PKN2: variants seen among roughly 807,000 people sequenced by gnomAD.
PKN2 encodes the protein serine/threonine-protein kinase N2.
A neutral mutation model predicts 119.1 loss-of-function variants in PKN2; 38 were observed. That is an observed-to-expected ratio of 0.32 (90% confidence interval 0.25 to 0.42). PKN2 has a LOEUF of 0.42. PKN2 is among the 10% of genes least tolerant of loss of function. The probability of loss-of-function intolerance (pLI) is 1.00; values close to 1 mark genes in which losing one functional copy is unlikely to be tolerated. For synonymous variants in PKN2, 390 were observed against 384.9 expected, an observed-to-expected ratio of 1.01 and a Z score of -0.15; for missense variants, 850 against 1,165.1, an observed-to-expected ratio of 0.73 and a Z score of 3.94.
chr1:88,820,218 ATATATATATATATAT>A (rs1557634935), intron 16 of PKN2, among the ~76,000 whole-genome samples: 37 of 114,780 alleles, frequency 3.2e-4, no homozygotes, highest in East Asian at 2.5e-3. Flanking sequence ...ATATATATAT[ATATATATATATATAT>A]AAATAGAAAA....
At chr1:88,762,383 T>C (rs548722375) in intron 3 of PKN2, among the ~76,000 whole-genome samples, 1 of 152,212 alleles carries the variant, frequency 6.6e-6, no homozygotes, top group Non-Finnish European at 1.5e-5. Context: ...GCAACTACTA[T>C]TGCCTCTGAG....
intron 2 of PKN2, among the ~76,000 whole-genome samples, chr1:88,754,700 T>G (rs1669132912): frequency 6.6e-6 from 1 of 152,168 alleles, no homozygotes; most frequent in Non-Finnish European, 1.5e-5. Flanking sequence ...TTAAAAATAT[T>G]TTGGTGGAGG....
At chr1:88,808,246 C>A (rs556916341) in intron 15 of PKN2, among the ~76,000 whole-genome samples, 1 of 151,818 alleles carries the variant, frequency 6.6e-6, no homozygotes, top group East Asian at 1.9e-4. Context: ...TTGACCCTAA[C>A]GTCTGGGTCT....
rs1672849426 is a variant in PKN2 at position 88,834,196 on chromosome 1, T to A, written c.*748T>A. 6.6e-6 allele frequency: 1 copy of A among 152,050 alleles called. No individual in the cohort carries two copies. The highest frequency in any genetic ancestry group is 2.4e-5 in the African/African-American group (1 of 41,418). 9.4% of individuals were successfully genotyped at this position (152,050 alleles called of 1,614,324 possible). A position where few individuals can be genotyped will look rare whatever the true frequency, so the allele number is the denominator to read the frequency against. The stretch of plus-strand genomic sequence containing the variant: ...AGATGTTAAGAATGAGGACTTTTAA[T>A]CAGCCGAACCAAGATATTGTTACCT... On this transcript the variant is annotated 3_prime_UTR_variant, in exon 22 of 22. Transcript: ENST00000370521.
At chr1:88,743,137 C>T (rs1045985798) in intron 2 of PKN2, among the ~76,000 whole-genome samples, 1 of 152,152 alleles carries the variant, frequency 6.6e-6, no homozygotes, top group Non-Finnish European at 1.5e-5. Flanking sequence ...TTGTGTTGAG[C>T]CAAGATCGTG....
chr1:88,788,901 T>C (rs564504638), intron 8 of PKN2, among the ~76,000 whole-genome samples: 3 of 152,322 alleles, frequency 2.0e-5, no homozygotes, highest in Non-Finnish European at 2.9e-5. Flanking sequence ...GAAGCTCCCA[T>C]GAGAGATTGA....
chr1:88,748,572 GTT>G (rs1668863223), intron 2 of PKN2, among the ~76,000 whole-genome samples: 1 of 152,120 alleles, frequency 6.6e-6, no homozygotes, highest in African/African-American at 2.4e-5. Flanking sequence ...TGTGAATAAA[GTT>G]TTCAGTTCAC....
At chr1:88,824,025 AG>A (rs1672401693) in intron 17 of PKN2, among the ~76,000 whole-genome samples, 2 of 150,178 alleles carry the variant, frequency 1.3e-5, no homozygotes, top group South Asian at 2.1e-4. Context: ...AAAAAAAAAA[AG>A]GATTAAATTA....
intron 1 of PKN2, among the ~76,000 whole-genome samples, chr1:88,685,475 CTTAG>C (rs1666054038): frequency 6.6e-6 from 1 of 152,102 alleles, no homozygotes; most frequent in Non-Finnish European, 1.5e-5. Context: ...AAGTAGATCG[CTTAG>C]TTAAGTCATG....
chr1:88,708,580 G>A (rs769893138), intron 1 of PKN2, among the ~76,000 whole-genome samples: 14 of 149,194 alleles, frequency 9.4e-5, no homozygotes, highest in Non-Finnish European at 1.8e-4. Context: ...AGTGTATTTC[G>A]CAAATAAATT....
At chr1:88,711,780 T>C (rs1378265122) in intron 1 of PKN2, among the ~76,000 whole-genome samples, 2 of 152,140 alleles carry the variant, frequency 1.3e-5, no homozygotes, top group Non-Finnish European at 2.9e-5. Context: ...GCTGGAGGGA[T>C]AAAATGATGC....
chr1:88,770,253 T>A (rs1451146118), intron 3 of PKN2, 99 bp from the exon 4 acceptor site: 1 of 653,074 alleles, frequency 1.5e-6, no homozygotes, highest in African/African-American at 1.8e-5. Flanking sequence ...TAACTCTGTT[T>A]TTCACTTGCT....
In PKN2 at chr1:88,834,027, T is replaced by C. The variant is rs1009492305; in HGVS notation, c.*579T>C. On this transcript the variant is annotated 3_prime_UTR_variant, in exon 22 of 22. Coordinates refer to ENST00000370521, the MANE Select transcript of PKN2 (RefSeq NM_006256.4). ...GAATTGATGTCTTATTTTATAAATGTTCTATATTTATTAGGAGAAAACTTT... is the reference window on the plus strand; with the variant it reads ...GAATTGATGTCTTATTTTATAAATGCTCTATATTTATTAGGAGAAAACTTT... 6.6e-6 allele frequency: 1 copy of C among 152,098 alleles called. No homozygotes were observed. The highest frequency in any genetic ancestry group is 2.4e-5 in the African/African-American group (1 of 41,422). The allele number at this position is 152,098 out of a possible 1,614,324, so 9.4% of individuals were successfully genotyped here. A position where few individuals can be genotyped will look rare whatever the true frequency, so the allele number is the denominator to read the frequency against.
At chr1:88,722,348 A>G (rs1330141632) in intron 1 of PKN2, among the ~76,000 whole-genome samples, 1 of 152,164 alleles carries the variant, frequency 6.6e-6, no homozygotes, top group Non-Finnish European at 1.5e-5. Flanking sequence ...TATTATAAAC[A>G]TGAGGTCTGT....
chr1:88,783,600 T>TA lies in PKN2; in HGVS notation c.986-1037dup, dbSNP rs1199935508. On this transcript the variant is annotated intron_variant, in intron 6 of 21. Coordinates refer to ENST00000370521, the MANE Select transcript of PKN2 (RefSeq NM_006256.4). ...AGTAAAATTAAGTAGTTATTTAAATTAATGGGACAACTTTTACCAGAAATA... is the reference window on the plus strand; with the variant it reads ...AGTAAAATTAAGTAGTTATTTAAATTAAATGGGACAACTTTTACCAGAAATA... Among the ~76,000 whole-genome samples the TA allele has an allele frequency of 2.6e-5, 4 of 152,238 alleles. No individual in the cohort carries two copies. In the East Asian group the frequency reaches 7.7e-4, roughly 29 times the overall value.
At chr1:88,706,604 G>A (rs1020213463) in intron 1 of PKN2, among the ~76,000 whole-genome samples, 3 of 152,060 alleles carry the variant, frequency 2.0e-5, no homozygotes, top group Admixed American at 6.5e-5. Flanking sequence ...AAGATTAGTT[G>A]TATGAGTTTT....
chr1:88,705,518 C>T (rs935800018), intron 1 of PKN2, among the ~76,000 whole-genome samples: 8 of 143,866 alleles, frequency 5.6e-5, no homozygotes, highest in Non-Finnish European at 1.2e-4. Flanking sequence ...ACAGTGAAAC[C>T]CCGTCTCTAC....
chr1:88,814,768 A>G (rs1173952691), intron 16 of PKN2, among the ~76,000 whole-genome samples: 2 of 152,064 alleles, frequency 1.3e-5, no homozygotes, highest in African/African-American at 4.8e-5. Flanking sequence ...AGTCAACTCC[A>G]CCTGTAGAAT....
intron 2 of PKN2, among the ~76,000 whole-genome samples, chr1:88,750,305 T>A (rs1219031689): frequency 6.6e-6 from 1 of 152,194 alleles, no homozygotes; most frequent in Non-Finnish European, 1.5e-5. Flanking sequence ...AGGGTAAGGC[T>A]AGACCTTAAG....
Sources: allele counts gnomAD v4.1 joint callset (sites outside exome capture counted in the v4.1 genomes callset), GRCh38; gene constraint gnomAD v4.1.1; transcripts MANE v1.5; gene names NCBI Gene and HGNC (gene_info 2026-07-23, HGNC 2026-07-21).